The following TTC28 variants were observed in gnomAD, a reference collection of about 807,000 sequenced individuals.
The protein encoded by TTC28 is tetratricopeptide repeat protein 28.
TTC28 carries 61 observed loss-of-function variants against 198.0 expected under a neutral mutation model. That is an observed-to-expected ratio of 0.31 (90% CI 0.25 to 0.38). TTC28 has a LOEUF of 0.38. Among genes scored for constraint, TTC28 ranks in the 10% least tolerant of loss-of-function variants. The probability of loss-of-function intolerance (pLI) is 1.00; values close to 1 mark genes in which losing one functional copy is unlikely to be tolerated. For synonymous variants in TTC28, 1,171 were observed against 1,297.8 expected, an observed-to-expected ratio of 0.90 and a Z score of 2.10; for missense variants, 2,678 against 3,164.0, an observed-to-expected ratio of 0.85 and a Z score of 3.69.
rs116140734 is a variant in TTC28 at position 28,044,315 on chromosome 22, T to C, written c.3933-13949A>G. Among the ~76,000 whole-genome samples the C allele has an allele frequency of 4.9e-3, 748 of 152,288 alleles. 5 individuals are homozygous for C. The highest frequency in any genetic ancestry group is 0.016 in the African/African-American group (671 of 41,560). ...CTTCTGTTGGTCGGAAGGCAAACGA[T>C]ACATTAACCTGCCGAGAATCTATAC... On this transcript the variant is annotated intron_variant, in intron 12 of 22. Transcript: ENST00000397906.
intron 5 of TTC28, among the ~76,000 whole-genome samples, chr22:28,164,967 G>T (rs2147062300): frequency 6.6e-6 from 1 of 152,250 alleles, no homozygotes; most frequent in South Asian, 2.1e-4. Context: ...AATAACCAAT[G>T]CAGAGAAGTC....
rs1937032213 is a variant in TTC28, at chr22:27,981,832, C to T, written c.*389G>A. 2.3e-5 allele frequency: 4 copies of T among 176,400 alleles called. No individual in the cohort carries two copies. The highest frequency in any genetic ancestry group is 2.0e-4 in the South Asian group (1 of 5,094). 10.9% of individuals were successfully genotyped at this position (176,400 alleles called of 1,614,324 possible). ...TTTGTATTTCTGTGTATAAAAGGTACTGCATATATACCTCTTAGCAAAATA... is the reference window on the plus strand; with the variant it reads ...TTTGTATTTCTGTGTATAAAAGGTATTGCATATATACCTCTTAGCAAAATA... On this transcript the variant is annotated 3_prime_UTR_variant, in exon 23 of 23. Transcript: ENST00000397906.
chr22:28,193,309 C>G (rs567062930), intron 5 of TTC28, among the ~76,000 whole-genome samples: 2 of 152,296 alleles, frequency 1.3e-5, no homozygotes, highest in South Asian at 4.1e-4. Context: ...AAAGGAACAA[C>G]CGGTACCAAC....
At chr22:28,451,558 C>A (rs2047778272) in intron 2 of TTC28, among the ~76,000 whole-genome samples, 1 of 152,154 alleles carries the variant, frequency 6.6e-6, no homozygotes, top group African/African-American at 2.4e-5. Context: ...CCTCAAATAA[C>A]ATCTTTTATT....
chr22:28,595,977 G>A (rs903691039), intron 2 of TTC28, among the ~76,000 whole-genome samples: 2 of 152,074 alleles, frequency 1.3e-5, no homozygotes, highest in East Asian at 3.8e-4. Context: ...ATATGGTGGT[G>A]AATCAGAAAG....
chr22:28,468,749 G>A (rs1277165515), intron 2 of TTC28, among the ~76,000 whole-genome samples: 1 of 143,922 alleles, frequency 6.9e-6, no homozygotes, highest in African/African-American at 2.6e-5. Flanking sequence ...CTGTTAGCCA[G>A]GATGGTCTCG....
intron 2 of TTC28, among the ~76,000 whole-genome samples, chr22:28,594,705 T>A (rs1259207730): frequency 6.6e-6 from 1 of 152,082 alleles, no homozygotes; most frequent in Non-Finnish European, 1.5e-5. Flanking sequence ...AGTACTGAAA[T>A]AGATAGGATC....
At chr22:28,164,491 T>C (rs546283246) in intron 5 of TTC28, among the ~76,000 whole-genome samples, 1 of 152,198 alleles carries the variant, frequency 6.6e-6, no homozygotes, top group Non-Finnish European at 1.5e-5. Context: ...TTCACCAATA[T>C]CCACTGTTCT....
intron 14 of TTC28, among the ~76,000 whole-genome samples, chr22:28,010,494 A>C (rs985296603): frequency 6.6e-6 from 1 of 152,178 alleles, no homozygotes; most frequent in Non-Finnish European, 1.5e-5. Flanking sequence ...GGGTCAAGGC[A>C]GGGCCACCTC....
intron 5 of TTC28, among the ~76,000 whole-genome samples, chr22:28,271,090 A>G (rs1452989036): frequency 6.6e-6 from 1 of 151,960 alleles, no homozygotes; most frequent in East Asian, 1.9e-4. Context: ...AATCCAAGAC[A>G]ATATTCTTTG....
chr22:28,176,017 C>T (rs776816324), intron 5 of TTC28, among the ~76,000 whole-genome samples: 13 of 151,958 alleles, frequency 8.6e-5, no homozygotes, highest in Admixed American at 5.9e-4. Context: ...CCTCAAGAAA[C>T]GAAAAATAGA....
chr22:28,586,140 G>A (rs1042355500), intron 2 of TTC28, among the ~76,000 whole-genome samples: 67 of 151,840 alleles, frequency 4.4e-4, no homozygotes, highest in African/African-American at 1.4e-3. Context: ...TTAGCTGGGC[G>A]TGGTGGTGGG....
chr22:28,447,837 C>T (rs1206683956), intron 2 of TTC28, among the ~76,000 whole-genome samples: 1 of 152,050 alleles, frequency 6.6e-6, no homozygotes, highest in Non-Finnish European at 1.5e-5. Context: ...TCCTTTGGGT[C>T]GCTTATTTGT....
intron 2 of TTC28, among the ~76,000 whole-genome samples, chr22:28,351,630 A>G (rs2045997804): frequency 6.6e-6 from 1 of 152,184 alleles, no homozygotes; most frequent in Non-Finnish European, 1.5e-5. Context: ...TTCAGAGCCA[A>G]TGTTAACCCT....
intron 2 of TTC28, among the ~76,000 whole-genome samples, chr22:28,597,768 A>G (rs60065194): frequency 0.14 from 20,751 of 152,150 alleles, 1,666 homozygotes; most frequent in African/African-American, 0.2. Context: ...TAGCCTAAAA[A>G]AGATTACTAA....
At chr22:28,064,750 C>T (rs897837896) in intron 12 of TTC28, among the ~76,000 whole-genome samples, 3 of 152,072 alleles carry the variant, frequency 2.0e-5, no homozygotes, top group South Asian at 2.1e-4. Flanking sequence ...ACTATTGCTG[C>T]CCTCAAGAAG....
intron 2 of TTC28, among the ~76,000 whole-genome samples, chr22:28,520,680 C>A (rs2048887219): frequency 6.6e-6 from 1 of 152,088 alleles, no homozygotes; most frequent in African/African-American, 2.4e-5. Flanking sequence ...ATTGCTTAAG[C>A]CCAGTAGTTC....
At chr22:28,482,927 A>C (rs1282863580) in intron 2 of TTC28, among the ~76,000 whole-genome samples, 1 of 152,126 alleles carries the variant, frequency 6.6e-6, no homozygotes, top group Non-Finnish European at 1.5e-5. Context: ...TATGGCTGAA[A>C]ATTTTTCATT....
chr22:28,597,233 T>A (rs1429023165), intron 2 of TTC28, among the ~76,000 whole-genome samples: 3 of 152,206 alleles, frequency 2.0e-5, no homozygotes, highest in African/African-American at 7.2e-5. Context: ...TTTTAAAGAT[T>A]CAGTTTAGTG....
Sources: allele counts gnomAD v4.1 joint callset (sites outside exome capture counted in the v4.1 genomes callset), GRCh38; gene constraint gnomAD v4.1.1; transcripts MANE v1.5; gene names NCBI Gene and HGNC (gene_info 2026-07-23, HGNC 2026-07-21).